Variants in TMEM9B observed in about 807,000 individuals in gnomAD.
TMEM9B encodes the protein TMEM9 domain family member B.
In TMEM9B, 8 loss-of-function variants were observed where a neutral mutation model predicts 23.5. The ratio of observed to expected loss-of-function variants is 0.34; its 90% CI spans 0.20 to 0.61. The LOEUF is 0.61. TMEM9B is among the 20% of genes least tolerant of loss of function. The probability of loss-of-function intolerance (pLI) is 0.78; values close to 1 mark genes in which losing one functional copy is unlikely to be tolerated. For missense variants in TMEM9B, 197 were observed against 252.3 expected, an observed-to-expected ratio of 0.78 and a Z score of 1.49; for synonymous variants, 106 against 96.3, an observed-to-expected ratio of 1.10 and a Z score of -0.59.
At chr11:8,952,318 A>ATGTGTG (rs1853899386) in intron 4 of TMEM9B, among the ~76,000 whole-genome samples, 1 of 90,354 alleles carries the variant, frequency 1.1e-5, no homozygotes, top group Admixed American at 1.3e-4. Context: ...TAATGTACAC[A>ATGTGTG]CGTGTGTGTG....
chr11:8,949,923 T>C (rs1384458583), intron 4 of TMEM9B, among the ~76,000 whole-genome samples: 1 of 150,974 alleles, frequency 6.6e-6, no homozygotes, highest in Non-Finnish European at 1.5e-5. Context: ...GGTCTACCCA[T>C]GTTGCCCAGG....
upstream of TMEM9B, chr11:8,964,656 G>A (rs1257914637): frequency 1.0e-5 from 3 of 301,350 alleles, no homozygotes; most frequent in Non-Finnish European, 1.7e-5. Context: ...CAGAAGCTGC[G>A]GGGCTTAGGG....
intron 4 of TMEM9B, among the ~76,000 whole-genome samples, chr11:8,949,625 A>G (rs907786782): frequency 6.6e-6 from 1 of 152,190 alleles, no homozygotes; most frequent in Non-Finnish European, 1.5e-5. Flanking sequence ...CCACATAACT[A>G]TATATACAAC....
At chr11:8,959,285 A>C (rs930166392) in intron 2 of TMEM9B, among the ~76,000 whole-genome samples, 7 of 152,202 alleles carry the variant, frequency 4.6e-5, no homozygotes, top group Non-Finnish European at 1.0e-4. Context: ...CGACAAAAAT[A>C]AAAATTAGCC....
chr11:8,948,113 T>C lies in TMEM9B; in HGVS notation c.*207A>G. 1 of 494,378 alleles carries C rather than the reference T, an allele frequency of 2.0e-6. No individual in the cohort carries two copies. Among genetic ancestry groups the C allele is most frequent in the Non-Finnish European group, 3.5e-6 (1 of 287,840 alleles). The allele number at this position is 494,378 out of a possible 1,614,324, so 30.6% of individuals were successfully genotyped here. A position where few individuals can be genotyped will look rare whatever the true frequency, so the allele number is the denominator to read the frequency against. ...CACAAATAGGAAAAGACTTATTGGC[T>C]GACTTTGAGCTGTGTGCTTTTAAAA... On this transcript the variant is annotated 3_prime_UTR_variant, in exon 5 of 5. Coordinates refer to ENST00000534025, the MANE Select transcript of TMEM9B (RefSeq NM_020644.3).
At position 8,957,579 on chromosome 11, in the gene TMEM9B, G is replaced by A. The variant is rs1853997756; in HGVS notation, c.198-1281C>T. Among the ~76,000 whole-genome samples the A allele has an allele frequency of 6.6e-6, 1 of 152,168 alleles. No individual in the cohort carries two copies. The highest frequency in any genetic ancestry group is 1.5e-5 in the Non-Finnish European group (1 of 68,042). On this transcript the variant is annotated intron_variant, in intron 2 of 4. Coordinates refer to ENST00000534025, the MANE Select transcript of TMEM9B (RefSeq NM_020644.3). The surrounding 1 kb of genome is among the most constrained non-coding windows in gnomAD (Gnocchi z 4.3). ...TCTTGGGGACACCCAATACTCTATA[G>A]AGTGATTCCTTCTCTTTCCCCACCA... is the stretch of plus-strand genomic sequence containing the variant.
intron 1 of TMEM9B, chr11:8,962,564 C>CT (rs1391297515): frequency 1.2e-5 from 2 of 163,418 alleles, no homozygotes; most frequent in Non-Finnish European, 2.6e-5. Flanking sequence ...GGGAAAGAAA[C>CT]TAAAAATTAT....
At position 8,947,709 on chromosome 11, in the gene TMEM9B, G is replaced by C. The variant is rs1032408952; in HGVS notation, c.*611C>G. 6.6e-6 allele frequency: 1 copy of C among 152,604 alleles called. No individual in the cohort carries two copies. The highest frequency in any genetic ancestry group is 2.4e-5 in the African/African-American group (1 of 41,420). 9.5% of individuals were successfully genotyped at this position (152,604 alleles called of 1,614,324 possible). On this transcript the variant is annotated 3_prime_UTR_variant, in exon 5 of 5. Transcript: ENST00000534025. Reference sequence around the variant, plus strand: ...TCTGCTTTTTGTGAAAAGCCACCAGGCATTTTAGATCCCGTTTACCATGAA... The same window carrying C: ...TCTGCTTTTTGTGAAAAGCCACCAGCCATTTTAGATCCCGTTTACCATGAA...
At chr11:8,963,730 A>G (rs1034850386) in intron 1 of TMEM9B, among the ~76,000 whole-genome samples, 9 of 152,122 alleles carry the variant, frequency 5.9e-5, no homozygotes, top group East Asian at 1.9e-4. Flanking sequence ...TTCAGGGGTG[A>G]GCTGAGCTGA....
chr11:8,949,889 A>ATT (rs11476286), intron 4 of TMEM9B, among the ~76,000 whole-genome samples: 26 of 137,422 alleles, frequency 1.9e-4, no homozygotes, highest in African/African-American at 5.6e-4. Context: ...CATGAACTTA[A>ATT]TTTTTTTTTT....
intron 4 of TMEM9B, among the ~76,000 whole-genome samples, chr11:8,950,120 T>A (rs539293545): frequency 3.3e-5 from 5 of 149,792 alleles, no homozygotes; most frequent in African/African-American, 1.2e-4. Context: ...TTAAAAAATG[T>A]AAGAAAAAAG....
intron 4 of TMEM9B, among the ~76,000 whole-genome samples, chr11:8,952,211 A>G (rs1853890326): frequency 6.6e-6 from 1 of 151,842 alleles, no homozygotes; most frequent in Non-Finnish European, 1.5e-5. Context: ...AACAAAAAGG[A>G]GACCATGAAG....
intron 4 of TMEM9B, among the ~76,000 whole-genome samples, chr11:8,949,308 T>C (rs2134859186): frequency 6.6e-6 from 1 of 152,350 alleles, no homozygotes; most frequent in Non-Finnish European, 1.5e-5. Flanking sequence ...TTTGTAGTCA[T>C]TACACAGGAA....
chr11:8,954,984 C>T (rs1042541991), intron 3 of TMEM9B, among the ~76,000 whole-genome samples: 1 of 151,976 alleles, frequency 6.6e-6, no homozygotes, highest in South Asian at 2.1e-4. Context: ...AATCCTGTCT[C>T]TACTAAAAAT....
chr11:8,954,881 G>A (rs183924982), intron 3 of TMEM9B, among the ~76,000 whole-genome samples: 384 of 152,154 alleles, frequency 2.5e-3, no homozygotes, highest in Admixed American at 5.7e-3. Context: ...GGCCAGGCGC[G>A]GTGGCTCACA....
chr11:8,953,093 G>T, intron 4 of TMEM9B, 110 bp downstream of exon 4: 1 of 1,349,850 alleles, frequency 7.4e-7, no homozygotes, highest in Non-Finnish European at 1.1e-6. Flanking sequence ...CTCTAGTTGA[G>T]GATCTGCTTC....
intron 2 of TMEM9B, among the ~76,000 whole-genome samples, chr11:8,961,064 C>T (rs1854070411): frequency 6.6e-6 from 1 of 152,206 alleles, no homozygotes; most frequent in African/African-American, 2.4e-5. Flanking sequence ...GTTAATATGA[C>T]ACCACTTACA....
chr11:8,953,259 G>C lies in TMEM9B; in HGVS notation c.385C>G (p.Leu129Val). Residue 129 changes from leucine (L) to valine (V), a missense_variant, in exon 4 of 5, where the codon CTG becomes GTG. Physicochemically the swap from Leu to Val is conservative, Grantham distance 32. Coordinates refer to ENST00000534025, the MANE Select transcript of TMEM9B (RefSeq NM_020644.3). ...GCATGTCCAAAGAGGCGCCTCTTCA[G>C]TATGGGCTCAACCAGAGTAAGATAT... ...MVYLTLVEPI[L>V]KRRLFGHAQL... The C allele has an allele frequency of 6.2e-7, 1 of 1,614,164 alleles. No individual in the cohort carries two copies. The highest frequency in any genetic ancestry group is 8.5e-7 in the Non-Finnish European group (1 of 1,180,034).
At chr11:8,956,351 C>T in intron 2 of TMEM9B, 53 bp from the exon 3 acceptor site, 1 of 1,494,722 alleles carries the variant, frequency 6.7e-7, no homozygotes, top group Non-Finnish European at 9.1e-7. Context: ...CTTCTGCTTG[C>T]TCTGACCAAA....
Sources: gnomAD v4.1 joint callset for allele counts (sites outside exome capture counted in the v4.1 genomes callset) on GRCh38, gnomAD v4.1.1 for gene constraint, Gnocchi (gnomAD v3.1) non-coding constraint, MANE v1.5 for transcripts, NCBI Gene and HGNC (gene_info 2026-07-23, HGNC 2026-07-21) for gene names.